Variants in FOXP1 observed in about 807,000 individuals in gnomAD.
The protein encoded by FOXP1 is forkhead box protein P1.
A neutral mutation model predicts 98.2 loss-of-function variants in FOXP1; 15 were observed. The ratio of observed to expected loss-of-function variants is 0.15; its 90% CI spans 0.10 to 0.24. The LOEUF (loss-of-function observed/expected upper bound fraction) is 0.24, where lower values mean the gene tolerates loss of function less well. Ranked by LOEUF, FOXP1 falls within the 10% of genes least tolerant of loss-of-function variation. FOXP1 has a pLI of 1.00. For synonymous variants in FOXP1, 371 were observed against 314.5 expected (o/e 1.18, Z -1.90); for missense variants, 633 against 848.5 (o/e 0.75, Z 3.15).
chr3:71,499,878 A>C (rs1364846108), intron 2 of FOXP1, among the ~76,000 whole-genome samples: 15 of 152,250 alleles, frequency 9.9e-5, no homozygotes. Context: ...TAAGATGCCA[A>C]TCCACCTCAA....
chr3:71,460,807 A>G (rs1255924726), intron 3 of FOXP1, among the ~76,000 whole-genome samples: 4 of 152,186 alleles, frequency 2.6e-5, no homozygotes. Flanking sequence ...TAGCTGAGAG[A>G]ATTCATCATT....
chr3:71,123,535 A>T (rs895696858), intron 6 of FOXP1, among the ~76,000 whole-genome samples: 1 of 152,188 alleles, frequency 6.6e-6, no homozygotes, highest in African/African-American at 2.4e-5. Context: ...TAAAGCAAAT[A>T]ATAGAAAAGC....
At chr3:71,033,602 C>CAAAAAAAAA (rs35470748) in intron 11 of FOXP1, among the ~76,000 whole-genome samples, 2 of 70,684 alleles carry the variant, frequency 2.8e-5, no homozygotes, top group Non-Finnish European at 7.2e-5. Context: ...AGTGAACAGT[C>CAAAAAAAAA]AAAAAAAAAA....
chr3:71,180,145 C>T (rs2062198400), intron 6 of FOXP1, among the ~76,000 whole-genome samples: 1 of 152,008 alleles, frequency 6.6e-6, no homozygotes, highest in African/African-American at 2.4e-5. Flanking sequence ...AATCGGAAGA[C>T]CTTCTAAAGT....
At chr3:71,487,229 A>G (rs2090724043) in intron 3 of FOXP1, among the ~76,000 whole-genome samples, 1 of 152,176 alleles carries the variant, frequency 6.6e-6, no homozygotes, top group Admixed American at 6.5e-5. Context: ...GGTAGAAAAT[A>G]AACTACCTAA....
chr3:71,169,182 G>A (rs2061527821), intron 6 of FOXP1, among the ~76,000 whole-genome samples: 1 of 152,172 alleles, frequency 6.6e-6, no homozygotes, highest in Non-Finnish European at 1.5e-5. Flanking sequence ...TCAGTTTACA[G>A]TGTCTCCATC....
chr3:71,066,311 A>G (rs1200490701), intron 7 of FOXP1, among the ~76,000 whole-genome samples: 2 of 152,242 alleles, frequency 1.3e-5, no homozygotes, highest in African/African-American at 4.8e-5. Context: ...ACAAGCGCGA[A>G]GTGACCATCA....
At chr3:71,036,610 T>A (rs946612092) in intron 11 of FOXP1, among the ~76,000 whole-genome samples, 1 of 152,192 alleles carries the variant, frequency 6.6e-6, no homozygotes, top group African/African-American at 2.4e-5. Flanking sequence ...GATGTGTTCA[T>A]TGAGGAAACA....
intron 3 of FOXP1, among the ~76,000 whole-genome samples, chr3:71,408,422 C>A (rs1268877448): frequency 2.0e-5 from 3 of 152,138 alleles, no homozygotes; most frequent in Non-Finnish European, 4.4e-5. Context: ...TCGCACACAG[C>A]CGTTACCATG....
At chr3:71,358,988 G>C (rs1426073449) in intron 4 of FOXP1, among the ~76,000 whole-genome samples, 162 bp downstream of exon 4, 1 of 152,150 alleles carries the variant, frequency 6.6e-6, no homozygotes, top group South Asian at 2.1e-4. Flanking sequence ...AGCTATCATG[G>C]GGGGTAGCAG....
intron 2 of FOXP1, among the ~76,000 whole-genome samples, chr3:71,547,857 T>TG (rs1281833359): frequency 2.6e-5 from 4 of 152,242 alleles, no homozygotes; most frequent in African/African-American, 9.6e-5. Flanking sequence ...TTGGCCACAA[T>TG]GGTCTGAGCT....
intron 2 of FOXP1, among the ~76,000 whole-genome samples, chr3:71,526,133 TAAATAAAC>T (rs796423214): frequency 0.11 from 16,089 of 150,464 alleles, 1,486 homozygotes; most frequent in African/African-American, 0.24. Context: ...AATATATAAA[TAAATAAAC>T]AAACAAACAA....
intron 6 of FOXP1, among the ~76,000 whole-genome samples, chr3:71,120,963 TG>T (rs2058719108): frequency 6.6e-6 from 1 of 152,238 alleles, no homozygotes; most frequent in African/African-American, 2.4e-5. Context: ...TTGTGCTTTT[TG>T]TTTCTTTTAA....
At chr3:71,339,344 T>A (rs571251499) in intron 4 of FOXP1, among the ~76,000 whole-genome samples, 1 of 152,316 alleles carries the variant, frequency 6.6e-6, no homozygotes, top group South Asian at 2.1e-4. Context: ...GTTTAATTTG[T>A]CAAAATCTAT....
intron 3 of FOXP1, among the ~76,000 whole-genome samples, chr3:71,364,630 T>C (rs572353204): frequency 6.6e-6 from 1 of 152,290 alleles, no homozygotes; most frequent in East Asian, 1.9e-4. Context: ...AAAGAAAAAA[T>C]CCTATCACAT....
chr3:71,563,500 C>T (rs2046691780), intron 2 of FOXP1, among the ~76,000 whole-genome samples: 1 of 152,154 alleles, frequency 6.6e-6, no homozygotes, highest in South Asian at 2.1e-4. Context: ...GGACAAAGAA[C>T]CAAAGTAAGT....
At chr3:71,092,286 G>A (rs180745914) in intron 7 of FOXP1, among the ~76,000 whole-genome samples, 27 of 152,186 alleles carry the variant, frequency 1.8e-4, no homozygotes, top group Admixed American at 1.3e-4. Context: ...CAGGAGAATC[G>A]CTTGAACCTG....
intron 3 of FOXP1, among the ~76,000 whole-genome samples, chr3:71,434,631 GGTGTGTGTGTGTGT>G (rs55643841): frequency 1.4e-5 from 2 of 142,266 alleles, no homozygotes; most frequent in African/African-American, 5.3e-5. Context: ...GAGGGGATGG[GGTGTGTGTGTGTGT>G]GTGTGTGTGT....
intron 4 of FOXP1, among the ~76,000 whole-genome samples, chr3:71,302,143 G>A (rs2073898836): frequency 6.6e-6 from 1 of 152,040 alleles, no homozygotes; most frequent in Admixed American, 6.6e-5. Flanking sequence ...TTTTAGAGAA[G>A]GTATAACATT....
Sources: gnomAD v4.1 joint callset for allele counts (sites outside exome capture counted in the v4.1 genomes callset) on GRCh38, gnomAD v4.1.1 for gene constraint, MANE v1.5 for transcripts, NCBI Gene and HGNC (gene_info 2026-07-23, HGNC 2026-07-21) for gene names.